PKHD1: variants seen among roughly 807,000 people sequenced by gnomAD.
PKHD1 encodes fibrocystin.
Under a neutral mutation model 412.0 loss-of-function variants are expected in PKHD1, and 291 were observed. The ratio of observed to expected loss-of-function variants is 0.71; its 90% CI spans 0.64 to 0.78. The LOEUF (loss-of-function observed/expected upper bound fraction) is 0.78, where lower values mean the gene tolerates loss of function less well. Ranked by LOEUF, PKHD1 falls within the 30% of genes least tolerant of loss-of-function variation. The probability of loss-of-function intolerance (pLI) is 0.00; values close to 1 mark genes in which losing one functional copy is unlikely to be tolerated. For missense variants in PKHD1, 4,825 were observed against 4,950.7 expected (o/e 0.97, Z 0.76); for synonymous variants, 1,777 against 1,821.5 (o/e 0.98, Z 0.62).
chr6:51,815,535 A>G (rs1165347960), intron 52 of PKHD1, among the ~76,000 whole-genome samples: 4 of 152,218 alleles, frequency 2.6e-5, no homozygotes, highest in South Asian at 2.1e-4. Flanking sequence ...GCAAGTAAAA[A>G]TAACTGGAAA....
At chr6:51,740,823 C>T (rs879185315) in intron 60 of PKHD1, among the ~76,000 whole-genome samples, 1 of 152,232 alleles carries the variant, frequency 6.6e-6, no homozygotes, top group Non-Finnish European at 1.5e-5. Flanking sequence ...TGTGCTGTCT[C>T]TTTCATTGCA....
chr6:51,628,044 G>A (rs1441704450), intron 65 of PKHD1, among the ~76,000 whole-genome samples: 1 of 152,132 alleles, frequency 6.6e-6, no homozygotes, highest in Admixed American at 6.6e-5. Context: ...AAAGGAGATA[G>A]TTATGGGTAG....
chr6:52,031,445 T>C (rs1274135366), intron 29 of PKHD1, among the ~76,000 whole-genome samples: 3 of 152,244 alleles, frequency 2.0e-5, no homozygotes, highest in Non-Finnish European at 4.4e-5. Flanking sequence ...TGCCTGCCCA[T>C]GTGGCATAGT....
At chr6:52,052,650 G>T (rs527740425) in intron 21 of PKHD1, among the ~76,000 whole-genome samples, 1 of 152,252 alleles carries the variant, frequency 6.6e-6, no homozygotes, top group South Asian at 2.1e-4. Context: ...CTAGTCTAAT[G>T]ATAACAATAA....
intron 12 of PKHD1, among the ~76,000 whole-genome samples, chr6:52,065,385 T>C (rs1809536825): frequency 6.6e-6 from 1 of 151,774 alleles, no homozygotes; most frequent in African/African-American, 2.4e-5. Context: ...AGGAAAGCCA[T>C]GCAATGGAGT....
At chr6:51,895,744 C>G (rs1365525930) in intron 43 of PKHD1, among the ~76,000 whole-genome samples, 1 of 152,074 alleles carries the variant, frequency 6.6e-6, no homozygotes, top group Non-Finnish European at 1.5e-5. Flanking sequence ...TCTGCATTTC[C>G]ATCTGAGGTA....
chr6:51,900,018 G>C (rs1436462240), intron 43 of PKHD1, among the ~76,000 whole-genome samples: 1 of 152,010 alleles, frequency 6.6e-6, no homozygotes, highest in African/African-American at 2.4e-5. Context: ...AAATCAAAGA[G>C]GATACAAACA....
In PKHD1 at chr6:52,043,091, G is replaced by GA. The variant is rs1257736758; in HGVS notation, c.2864dup (p.Ser956LeufsTer3). 2 of 1,613,396 alleles carry GA rather than the reference G, an allele frequency of 1.2e-6. No homozygotes were observed. The highest frequency in any genetic ancestry group is 2.2e-5 in the South Asian group (2 of 91,068). ...CCTGCAAGAACTGGGAGTCACCAGA[G>GA]AAACCAGTTCCGGTAATGTAAATCA... On this transcript the variant is annotated frameshift_variant, in exon 27 of 67. Coordinates refer to ENST00000371117, the MANE Select transcript of PKHD1 (RefSeq NM_138694.4). LOFTEE classifies it high-confidence loss of function.
At chr6:51,844,856 A>G (rs1198921697) in intron 50 of PKHD1, among the ~76,000 whole-genome samples, 1 of 152,192 alleles carries the variant, frequency 6.6e-6, no homozygotes, top group African/African-American at 2.4e-5. Context: ...TTCCGTGGCC[A>G]TGATAGAGAT....
Position 51,748,554 on chromosome 6 carries a change from T to G in PKHD1, c.9062A>C (p.His3021Pro), listed in dbSNP as rs1582442771. The G allele has an allele frequency of 6.2e-7, 1 of 1,613,692 alleles. No homozygotes were observed. Among genetic ancestry groups the G allele is most frequent in the Non-Finnish European group, 8.5e-7 (1 of 1,179,738 alleles). The change falls in exon 58 of 67, where the codon CAC becomes CCC. Residue 3021 changes from histidine to proline, a missense_variant. By Grantham distance (77) the His-to-Pro change is moderately conservative. Coordinates refer to ENST00000371117, the MANE Select transcript of PKHD1 (RefSeq NM_138694.4). ...AGSWIISSTLHQSCGGGIHAA... is the reference protein window; with the variant it reads ...AGSWIISSTLPQSCGGGIHAA... Reference sequence around the variant, plus strand: ...ATGAATGCCCCCGCCACAGCTCTGGTGCAGAGTAGATGATATGATCCAGGA... The same window carrying G: ...ATGAATGCCCCCGCCACAGCTCTGGGGCAGAGTAGATGATATGATCCAGGA...
chr6:51,971,372 A>T (rs2127992469), intron 35 of PKHD1, among the ~76,000 whole-genome samples: 1 of 152,336 alleles, frequency 6.6e-6, no homozygotes, highest in African/African-American at 2.4e-5. Flanking sequence ...AAGCATAAAT[A>T]ACAGCAAGAA....
intron 29 of PKHD1, among the ~76,000 whole-genome samples, chr6:52,030,532 C>T (rs1298138827): frequency 2.6e-5 from 4 of 152,108 alleles, no homozygotes; most frequent in Admixed American, 6.5e-5. Context: ...GACATGACTA[C>T]GAGGTGACAG....
At chr6:51,627,916 T>C (rs1035506384) in intron 65 of PKHD1, among the ~76,000 whole-genome samples, 1 of 152,166 alleles carries the variant, frequency 6.6e-6, no homozygotes, top group Admixed American at 6.6e-5. Flanking sequence ...CTGGGAATAA[T>C]ACAGTGAGTA....
intron 60 of PKHD1, among the ~76,000 whole-genome samples, chr6:51,708,271 C>A (rs1210524431): frequency 1.3e-5 from 2 of 152,096 alleles, no homozygotes; most frequent in Non-Finnish European, 2.9e-5. Context: ...TCAAGAAGTC[C>A]AGCTAATTTC....
At chr6:51,874,614 G>C (rs1371959820) in intron 46 of PKHD1, among the ~76,000 whole-genome samples, 2 of 152,108 alleles carry the variant, frequency 1.3e-5, no homozygotes, top group Non-Finnish European at 2.9e-5. Context: ...TCTAACAATG[G>C]ACAGGCCAAA....
At chr6:51,772,952 C>T (rs984863926) in intron 54 of PKHD1, among the ~76,000 whole-genome samples, 163 bp from the exon 55 acceptor site, 23 of 151,922 alleles carry the variant, frequency 1.5e-4, no homozygotes, top group Non-Finnish European at 2.5e-4. Context: ...CTCTATTTTA[C>T]AATACTAAGA....
chr6:51,619,090 C>T lies in PKHD1; in HGVS notation c.12216G>A (p.Glu4072=), dbSNP rs1414284194. The T allele has an allele frequency of 6.2e-7, 1 of 1,614,086 alleles. No individual in the cohort carries two copies. Among genetic ancestry groups the T allele is most frequent in the Non-Finnish European group, 8.5e-7 (1 of 1,179,912 alleles). Residue 4072 remains glutamate, a synonymous_variant, in exon 67 of 67, where the codon GAG becomes GAA. Transcript: ENST00000371117. ...CCCCCAACTTCCCTGATCACAGTTG[C>T]TCCTGAATAGTTTCCGGGTGTACTG... The part of the protein sequence containing the change: ...LHSVHPETIQ[E]QL
At chr6:52,011,073 G>A (rs1331143721) in intron 34 of PKHD1, among the ~76,000 whole-genome samples, 1 of 152,166 alleles carries the variant, frequency 6.6e-6, no homozygotes, top group African/African-American at 2.4e-5. Flanking sequence ...TTACTTAACA[G>A]CCCAGACTAA....
At chr6:51,914,812 T>C (rs939364215) in intron 37 of PKHD1, among the ~76,000 whole-genome samples, 3 of 152,092 alleles carry the variant, frequency 2.0e-5, no homozygotes, top group Non-Finnish European at 4.4e-5. Flanking sequence ...CTGCCTCTAA[T>C]CTTTTGTCAA....
Sources: gnomAD v4.1 joint callset for allele counts (sites outside exome capture counted in the v4.1 genomes callset) on GRCh38, gnomAD v4.1.1 for gene constraint, MANE v1.5 for transcripts, NCBI Gene and HGNC (gene_info 2026-07-23, HGNC 2026-07-21) for gene names.